The following LRP1B variants were observed in gnomAD, a reference collection of about 807,000 sequenced individuals.
The protein encoded by LRP1B is LDL receptor related protein 1B.
In LRP1B, 217 loss-of-function variants were observed where a neutral mutation model predicts 556.6. That is an observed-to-expected ratio of 0.39 (90% CI 0.35 to 0.44). The LOEUF (loss-of-function observed/expected upper bound fraction) is 0.44. Ranked by LOEUF, LRP1B falls within the 20% of genes least tolerant of loss-of-function variation. LRP1B has a pLI of 1.00. For missense variants in LRP1B, 5,053 were observed against 5,620.8 expected (o/e 0.90, Z 3.23); for synonymous variants, 2,047 against 1,865.8 (o/e 1.10, Z -2.50).
At chr2:141,013,303 G>A (rs1209670709) in intron 14 of LRP1B, among the ~76,000 whole-genome samples, 1 of 151,888 alleles carries the variant, frequency 6.6e-6, no homozygotes, top group African/African-American at 2.4e-5. Context: ...AAAATCACAT[G>A]AAGAGAAGGA....
chr2:141,835,955 A>G (rs992138325), intron 1 of LRP1B, among the ~76,000 whole-genome samples: 2 of 152,026 alleles, frequency 1.3e-5, no homozygotes, highest in African/African-American at 4.8e-5. Context: ...GGAAAAAACT[A>G]TAAACATTTT....
intron 66 of LRP1B, among the ~76,000 whole-genome samples, chr2:140,441,705 A>G (rs1686432602): frequency 6.6e-6 from 1 of 152,202 alleles, no homozygotes; most frequent in South Asian, 2.1e-4. Context: ...TGGGAGTCCT[A>G]TCCAGTTTGG....
chr2:141,023,018 T>C (rs1173127729), intron 11 of LRP1B, among the ~76,000 whole-genome samples: 1 of 151,768 alleles, frequency 6.6e-6, no homozygotes, highest in Non-Finnish European at 1.5e-5. Context: ...GAAAAAAAAA[T>C]TCCAGTAGAT....
chr2:141,145,922 CTTTTTTT>C (rs70991144), intron 7 of LRP1B, among the ~76,000 whole-genome samples: 1 of 67,206 alleles, frequency 1.5e-5, no homozygotes, highest in Non-Finnish European at 2.7e-5. Flanking sequence ...TTCTTTCTTT[CTTTTTTT>C]TTTTTTTTTT....
At chr2:141,281,283 A>G (rs1286761996) in intron 3 of LRP1B, among the ~76,000 whole-genome samples, 1 of 151,978 alleles carries the variant, frequency 6.6e-6, no homozygotes, top group Non-Finnish European at 1.5e-5. Flanking sequence ...AGTTTTACTT[A>G]TTACATGAAA....
intron 60 of LRP1B, among the ~76,000 whole-genome samples, chr2:140,459,129 C>T (rs1284420018): frequency 6.6e-6 from 1 of 151,960 alleles, no homozygotes; most frequent in Non-Finnish European, 1.5e-5. Context: ...ACATAGATAC[C>T]ATTACTAAAA....
chr2:141,326,670 GA>G (rs1687443339), intron 3 of LRP1B, among the ~76,000 whole-genome samples: 2 of 152,148 alleles, frequency 1.3e-5, no homozygotes, highest in Admixed American at 1.3e-4. Flanking sequence ...TCATGTAGTA[GA>G]TGAAGGCCAG....
chr2:141,879,530 C>T (rs1698883179), intron 1 of LRP1B, among the ~76,000 whole-genome samples: 1 of 151,786 alleles, frequency 6.6e-6, no homozygotes, highest in Non-Finnish European at 1.5e-5. Flanking sequence ...AAATTTGAGT[C>T]ACTTCTGCTC....
At chr2:141,567,620 T>C (rs1302165999) in intron 2 of LRP1B, among the ~76,000 whole-genome samples, 1 of 151,956 alleles carries the variant, frequency 6.6e-6, no homozygotes, top group African/African-American at 2.4e-5. Flanking sequence ...AGATGAGAAA[T>C]TAGGTGATGA....
chr2:141,021,083 C>T (rs1698051461), intron 11 of LRP1B, among the ~76,000 whole-genome samples: 1 of 151,938 alleles, frequency 6.6e-6, no homozygotes. Flanking sequence ...ACATAGACTT[C>T]CTCTTTTCCT....
At chr2:141,771,504 T>C (rs1694898866) in intron 2 of LRP1B, among the ~76,000 whole-genome samples, 1 of 152,214 alleles carries the variant, frequency 6.6e-6, no homozygotes, top group African/African-American at 2.4e-5. Flanking sequence ...ATTTAGACAG[T>C]GAACTAAAAT....
At chr2:141,334,188 T>G (rs1687761813) in intron 3 of LRP1B, among the ~76,000 whole-genome samples, 1 of 152,186 alleles carries the variant, frequency 6.6e-6, no homozygotes, top group African/African-American at 2.4e-5. Flanking sequence ...TAGCCAAATC[T>G]CCTGTCCAAC....
At chr2:140,370,267 A>G (rs1329291637) in intron 71 of LRP1B, among the ~76,000 whole-genome samples, 1 of 152,154 alleles carries the variant, frequency 6.6e-6, no homozygotes, top group Non-Finnish European at 1.5e-5. Context: ...CCTATAACCT[A>G]TATATCATAC....
intron 3 of LRP1B, among the ~76,000 whole-genome samples, chr2:141,284,483 T>TACTA (rs1164256115): frequency 1.3e-5 from 2 of 152,200 alleles, no homozygotes; most frequent in Admixed American, 6.5e-5. Flanking sequence ...TTTCTGAAGG[T>TACTA]ACTACTAGGA....
At position 140,813,777 on chromosome 2, in the gene LRP1B, G is replaced by A. The variant is rs773770150; in HGVS notation, c.5239C>T (p.Leu1747Phe). The A allele has an allele frequency of 6.2e-7, 1 of 1,608,510 alleles. No homozygotes were observed. The highest frequency in any genetic ancestry group is 1.7e-5 in the Admixed American group (1 of 59,852). ...CCATTCCCTGAACTGATCCAATAAAGCTTGTTTTCCACATAGTCTATCGAT... is the reference window on the plus strand; with the variant it reads ...CCATTCCCTGAACTGATCCAATAAAACTTGTTTTCCACATAGTCTATCGAT... ...GLSIDYVENK[L>F]YWISSGNGTI... The change falls in exon 32 of 91, where the codon CTT becomes TTT. Residue 1747 changes from leucine (L) to phenylalanine (F), a missense_variant. This residue lies in a region of LRP1B where 3,619 missense variants were observed against 3,931.9 expected (regional missense o/e 0.92). Transcript: ENST00000389484.
chr2:140,886,843 C>T (rs191635940), intron 23 of LRP1B, among the ~76,000 whole-genome samples: 2 of 152,158 alleles, frequency 1.3e-5, no homozygotes, highest in Admixed American at 6.5e-5. Flanking sequence ...GACAAGATGG[C>T]GGCTTCCTGC....
At chr2:141,212,199 C>A (rs1431227796) in intron 6 of LRP1B, among the ~76,000 whole-genome samples, 1 of 98,010 alleles carries the variant, frequency 1.0e-5, no homozygotes, top group Non-Finnish European at 2.0e-5. Context: ...AGCAAAAATT[C>A]TTGTATAAAA....
rs756327718 is a variant in LRP1B at position 141,096,629 on chromosome 2, G to GGAGAGAGAGA, written c.1014-34366_1014-34357dup. 1.2e-3 allele frequency among the ~76,000 whole-genome samples: 74 copies of GGAGAGAGAGA among 59,690 alleles called. 1 individual carries two copies. The highest frequency in any genetic ancestry group is 8.3e-3 in the Middle Eastern group (1 of 120). The allele number at this position is 59,690 out of a possible 152,430, so 39.2% of individuals were successfully genotyped here. ...CTGAATGACAAAGACGGGGAGAGGG[G>GGAGAGAGAGA]GAGAGAGAGAGAGAGAGAGAGAGAG... On this transcript the variant is annotated intron_variant, in intron 7 of 90. Transcript: ENST00000389484.
At chr2:140,867,333 T>C (rs12474883) in intron 27 of LRP1B, among the ~76,000 whole-genome samples, 127,583 of 151,878 alleles carry the variant, frequency 0.84, 53,991 homozygotes, top group Non-Finnish European at 0.89. Flanking sequence ...AATTAGGGGA[T>C]TTAGTTTAAA....
Sources: gnomAD v4.1 joint callset for allele counts (sites outside exome capture counted in the v4.1 genomes callset) on GRCh38, gnomAD v4.1.1 for gene constraint, gnomAD v4.1.1 regional missense constraint, MANE v1.5 for transcripts, NCBI Gene and HGNC (gene_info 2026-07-23, HGNC 2026-07-21) for gene names.